SDK2: variants seen among roughly 807,000 people sequenced by gnomAD.
SDK2 encodes the protein sidekick cell adhesion molecule 2.
Under a neutral mutation model 253.9 loss-of-function variants are expected in SDK2, and 105 were observed. That is an observed-to-expected ratio of 0.41 (90% confidence interval 0.35 to 0.49). SDK2 has a LOEUF of 0.49. SDK2 is among the 20% of genes least tolerant of loss of function. SDK2 has a pLI of 0.06. For synonymous variants in SDK2, 1,249 were observed against 1,234.9 expected (o/e 1.01, Z -0.24); for missense variants, 2,608 against 3,003.0 (o/e 0.87, Z 3.07).
chr17:73,376,265 T>G (rs979482196), intron 36 of SDK2, among the ~76,000 whole-genome samples: 1 of 139,336 alleles, frequency 7.2e-6, no homozygotes, highest in Non-Finnish European at 1.5e-5. Context: ...TACCACCACC[T>G]GGCGGTATTA....
Position 73,379,284 on chromosome 17 carries a change from C to A in SDK2, c.4873G>T (p.Ala1625Ser). ...TGGACGACCACGTTACGAGGTGCTG[C>A]TGTGGGCACTGGAGGGCGTGCAGGG... is the stretch of plus-strand genomic sequence containing the variant. Reference protein sequence around the residue: ...EVFVGEAVPTAAPRNVVVHGA... With the variant: ...EVFVGEAVPTSAPRNVVVHGA... The change falls in exon 36 of 45, where the codon GCA becomes TCA. Residue 1625 changes from alanine to serine, a missense_variant. Ala to Ser is a moderately conservative substitution (Grantham distance 99). Around this residue, in one of 2 missense-constraint regions of SDK2, gnomAD observed 1,103 missense variants for 1,143.9 expected, o/e 0.96. Transcript: ENST00000392650. This position sits in a 1 kb window ranked among gnomAD's most constrained non-coding sequence, Gnocchi z 4.5. The A allele has an allele frequency of 6.5e-7, 1 of 1,547,588 alleles. No homozygotes were observed. The highest frequency in any genetic ancestry group is 8.7e-7 in the Non-Finnish European group (1 of 1,144,912).
At chr17:73,622,443 G>T (rs2143202506) in intron 1 of SDK2, among the ~76,000 whole-genome samples, 1 of 152,262 alleles carries the variant, frequency 6.6e-6, no homozygotes, top group Non-Finnish European at 1.5e-5. Flanking sequence ...AGAAATTAGG[G>T]CTGTTTTCAT....
chr17:73,564,060 C>T (rs1301435253), intron 1 of SDK2, among the ~76,000 whole-genome samples: 1 of 152,228 alleles, frequency 6.6e-6, no homozygotes, highest in Non-Finnish European at 1.5e-5. Flanking sequence ...AGGTATGAGC[C>T]GCTGTGCCCA....
At chr17:73,558,635 C>T (rs1450107184) in intron 1 of SDK2, among the ~76,000 whole-genome samples, 1 of 152,214 alleles carries the variant, frequency 6.6e-6, no homozygotes, top group African/African-American at 2.4e-5. Context: ...CACACACAGC[C>T]AGGTTCAAAT....
chr17:73,482,806 C>G (rs1019697694), intron 2 of SDK2, among the ~76,000 whole-genome samples: 1 of 152,258 alleles, frequency 6.6e-6, no homozygotes, highest in South Asian at 2.1e-4. Flanking sequence ...GCTACTCCTC[C>G]TGGGTGAGCG....
rs993222106 is a variant in SDK2 at position 73,336,033 on chromosome 17, T to A, written c.*2554A>T. The A allele has an allele frequency of 2.0e-5, 3 of 152,196 alleles. No homozygotes were observed. The highest frequency in any genetic ancestry group is 1.9e-4 in the East Asian group (1 of 5,196). The allele number at this position is 152,196 out of a possible 1,614,324, so 9.4% of individuals were successfully genotyped here. ...GAAAATTGACCTCATGTGCAATATA[T>A]ACACAGACACAATGTTTTTACTCAC... On this transcript the variant is annotated 3_prime_UTR_variant, in exon 45 of 45. Transcript: ENST00000392650.
In SDK2 at chr17:73,625,213, C is replaced by CA. The variant is rs910725893; in HGVS notation, c.64+18811dup. On this transcript the variant is annotated intron_variant, in intron 1 of 44. Coordinates refer to ENST00000392650, the MANE Select transcript of SDK2 (RefSeq NM_001144952.2). ...TACCAGGCAGGACCAGACAAGCAGG[C>CA]ACCAGGGCGCGAGGCGGAATTCCAC... 7.2e-5 allele frequency among the ~76,000 whole-genome samples: 11 copies of CA among 152,200 alleles called. No individual in the cohort carries two copies. The East Asian group carries it at 9.6e-4, about 13-fold the overall frequency.
rs1318127268 is a variant in SDK2 at position 73,369,701 on chromosome 17, C to A, written c.4981-1108G>T. 3.3e-5 allele frequency among the ~76,000 whole-genome samples: 5 copies of A among 152,336 alleles called. No homozygotes were observed. The East Asian group carries it at 9.6e-4, about 29-fold the overall frequency. ...TGAGATGGAGTCTCGCACTGTCACA[C>A]AGGCTGGAGTGCTGTGGTGCGATCT... is the stretch of plus-strand genomic sequence containing the variant. On this transcript the variant is annotated intron_variant, in intron 36 of 44. Transcript: ENST00000392650.
At chr17:73,579,058 C>T (rs557068191) in intron 1 of SDK2, among the ~76,000 whole-genome samples, 7 of 152,040 alleles carry the variant, frequency 4.6e-5, no homozygotes, top group East Asian at 1.9e-4. Flanking sequence ...CCCTTCCCCT[C>T]GGCATCCTCA....
chr17:73,440,445 A>G (rs572602078), intron 6 of SDK2, among the ~76,000 whole-genome samples: 1 of 152,082 alleles, frequency 6.6e-6, no homozygotes, highest in South Asian at 2.1e-4. Flanking sequence ...TCCCATGCAC[A>G]CTTCCCTCCT....
chr17:73,355,174 A>ATATATATATATTTTTTTT, intron 40 of SDK2, among the ~76,000 whole-genome samples: 9 of 47,242 alleles, frequency 1.9e-4, no homozygotes, highest in Non-Finnish European at 2.7e-4. Flanking sequence ...ATATATATAT[A>ATATATATATATTTTTTTT]TTTTTTTTTT....
intron 36 of SDK2, among the ~76,000 whole-genome samples, chr17:73,377,222 C>CT (rs1193747847): frequency 0.011 from 1,435 of 133,880 alleles, 15 homozygotes; most frequent in African/African-American, 0.028. Flanking sequence ...TTTTTTTTTT[C>CT]TTTTTTTTTT....
chr17:73,477,260 C>T (rs902244065), intron 2 of SDK2, among the ~76,000 whole-genome samples: 1 of 152,176 alleles, frequency 6.6e-6, no homozygotes, highest in African/African-American at 2.4e-5. Flanking sequence ...GCCCCACTCA[C>T]CCGTAGCTGC....
intron 27 of SDK2, among the ~76,000 whole-genome samples, chr17:73,392,887 C>T (rs191233333): frequency 5.9e-5 from 9 of 152,136 alleles, no homozygotes; most frequent in South Asian, 4.2e-4. Context: ...CCAGGAGGTT[C>T]GTGCGTCCAG....
rs2062527976 is a variant in SDK2 at position 73,350,556 on chromosome 17, A to G, written c.5899+94T>C. On this transcript the variant is annotated intron_variant, in intron 42 of 44. Coordinates refer to ENST00000392650, the MANE Select transcript of SDK2 (RefSeq NM_001144952.2). ...CCACCAGAGCAGGTGCGCTGCCAGGAGCCAGGAGAGGGACCTGATCACCCC... is the reference window on the plus strand; with the variant it reads ...CCACCAGAGCAGGTGCGCTGCCAGGGGCCAGGAGAGGGACCTGATCACCCC... 2.1e-6 allele frequency: 3 copies of G among 1,443,302 alleles called. No homozygotes were observed. In the African/African-American group the frequency reaches 4.3e-5, roughly 20 times the overall value. 89.4% of individuals were successfully genotyped at this position (1,443,302 alleles called of 1,614,324 possible).
At chr17:73,417,215 C>T (rs1372178099) in intron 16 of SDK2, among the ~76,000 whole-genome samples, 1 of 144,924 alleles carries the variant, frequency 6.9e-6, no homozygotes, top group Non-Finnish European at 1.5e-5. Flanking sequence ...ACCAGCCTGG[C>T]CAAAAAGATG....
chr17:73,398,517 A>G, intron 22 of SDK2, 88 bp from the exon 23 acceptor site: 1 of 1,184,170 alleles, frequency 8.4e-7, no homozygotes, highest in Admixed American at 1.9e-5. Context: ...GCCAGGGAAG[A>G]AGTTGGTTCA....
In SDK2 at chr17:73,603,598, A is replaced by G. The variant is rs56926867; in HGVS notation, c.64+40427T>C. On this transcript the variant is annotated intron_variant, in intron 1 of 44. Transcript: ENST00000392650. ...AGCTCCCACTCTCAACTCAGAATCT[A>G]TAAACATGGCAGCAGCCACTTACGC... Among the ~76,000 whole-genome samples, 1,117 of 152,352 alleles carry G rather than the reference A, an allele frequency of 7.3e-3. 18 individuals carry two copies. The highest frequency in any genetic ancestry group is 0.026 in the African/African-American group (1,063 of 41,590).
intron 18 of SDK2, among the ~76,000 whole-genome samples, chr17:73,405,090 T>C (rs1018395195): frequency 1.4e-4 from 21 of 145,436 alleles, no homozygotes; most frequent in Admixed American, 5.6e-4. Context: ...GTGGAGGCAG[T>C]ACTCTACAGG....
Sources: gnomAD v4.1 joint callset for allele counts (sites outside exome capture counted in the v4.1 genomes callset) on GRCh38, gnomAD v4.1.1 for gene constraint, gnomAD v4.1.1 regional missense constraint, Gnocchi (gnomAD v3.1) non-coding constraint, MANE v1.5 for transcripts, NCBI Gene and HGNC (gene_info 2026-07-23, HGNC 2026-07-21) for gene names.